SLFN14: variants seen among roughly 807,000 people sequenced by gnomAD.
SLFN14 encodes the protein schlafen family member 14, also known as protein SLFN14.
In SLFN14, 47 loss-of-function variants were observed where a neutral mutation model predicts 58.6. That is an observed-to-expected ratio of 0.80 (90% CI 0.64 to 1.02). The LOEUF is 1.02. Among genes scored for constraint, SLFN14 ranks in the 50% least tolerant of loss-of-function variants. The pLI is 0.00. For missense variants in SLFN14, 967 were observed against 1,078.4 expected, an observed-to-expected ratio of 0.90 and a Z score of 1.45; for synonymous variants, 390 against 387.3, an observed-to-expected ratio of 1.01 and a Z score of -0.08.
In SLFN14 at chr17:35,547,595, A is replaced by C. The variant is rs1334383776; in HGVS notation, c.*644T>G. On this transcript the variant is annotated 3_prime_UTR_variant, in exon 6 of 6. Transcript: ENST00000674182. Reference sequence around the variant, plus strand: ...GCATTGGTCCTTTGTGAGCTTGATTAGCATAAAGCATCCCCAAGAGACTGA... The same window carrying C: ...GCATTGGTCCTTTGTGAGCTTGATTCGCATAAAGCATCCCCAAGAGACTGA... Among the ~76,000 whole-genome samples, 1 of 152,242 alleles carries C rather than the reference A, an allele frequency of 6.6e-6. No individual in the cohort carries two copies. The highest frequency in any genetic ancestry group is 1.5e-5 in the Non-Finnish European group (1 of 68,040).
rs1020364998 is a variant in SLFN14, at chr17:35,548,712, T to C, written c.2266A>G (p.Asn756Asp). The C allele has an allele frequency of 9.7e-6, 15 of 1,551,644 alleles. No individual in the cohort carries two copies. The highest frequency in any genetic ancestry group is 1.7e-4 in the Middle Eastern group (1 of 6,014). The change falls in exon 6 of 6, where the codon AAC becomes GAC. Residue 756 changes from asparagine (N) to aspartate (D), a missense_variant. Physicochemically the swap from Asn to Asp is conservative, Grantham distance 23. Coordinates refer to ENST00000674182, the MANE Select transcript of SLFN14 (RefSeq NM_001129820.2). The part of the protein sequence containing the change: ...MKRIKENPPS[N>D]MSPDTLALFS... ...AATGCTAATGTGTCTGGAGACATGT[T>C]GGAGGGAGGATTTTCTTTGATCCTC...
chr17:35,558,025 G>A lies in SLFN14; in HGVS notation c.38C>T (p.Pro13Leu). 1 of 1,551,344 alleles carries A rather than the reference G, an allele frequency of 6.4e-7. No individual in the cohort carries two copies. The highest frequency in any genetic ancestry group is 1.2e-5 in the South Asian group (1 of 84,052). Residue 13 changes from proline to leucine, a missense_variant, in exon 3 of 6, where the codon CCT (proline) becomes CTT (leucine). Coordinates refer to ENST00000674182, the MANE Select transcript of SLFN14 (RefSeq NM_001129820.2). ...SLKTDTEMPY[P>L]EVIVDVGRVI... ...TCTGCCCACATCTACTATTACCTCA[G>A]GATACGGCATTTCAGTATCAGTCTT... is the stretch of plus-strand genomic sequence containing the variant.
chr17:35,556,450 C>G (rs891347841), intron 3 of SLFN14, among the ~76,000 whole-genome samples: 6 of 152,134 alleles, frequency 3.9e-5, no homozygotes, highest in Admixed American at 2.6e-4. Context: ...GGAGACCTTT[C>G]CTAACTCATT....
Position 35,553,237 on chromosome 17 carries a change from G to A in SLFN14, c.1397C>T (p.Pro466Leu), listed in dbSNP as rs1402118713. 23 of 1,551,596 alleles carry A rather than the reference G, an allele frequency of 1.5e-5. No homozygotes were observed. The South Asian group carries it at 2.6e-4, about 18-fold the overall frequency. Residue 466 changes from proline (P) to leucine (L), a missense_variant, in exon 5 of 6, where the codon CCC becomes CTC. By Grantham distance (98) the Pro-to-Leu change is moderately conservative (BLOSUM62 -3). Coordinates refer to ENST00000674182, the MANE Select transcript of SLFN14 (RefSeq NM_001129820.2). ...TATTAAGATTGTATAGAGTACCACG[G>A]GGCTGTTAACTGCTATCAGGAGAGC... ...CDALLIAVNS[P>L]VVLYTILIDP... is the part of the protein sequence containing the mutation.
rs1390473392 is a variant in SLFN14, at chr17:35,546,424, A to G, written c.*1815T>C. The stretch of plus-strand genomic sequence containing the variant: ...ATGGGCCTAAGCAATTCAGAAAGGC[A>G]GCTAAGAGAGCTTCTCGAAACCCTG... On this transcript the variant is annotated 3_prime_UTR_variant, in exon 6 of 6. Coordinates refer to ENST00000674182, the MANE Select transcript of SLFN14 (RefSeq NM_001129820.2). Among the ~76,000 whole-genome samples the G allele has an allele frequency of 1.3e-5, 2 of 152,226 alleles. No individual in the cohort carries two copies. The highest frequency in any genetic ancestry group is 1.5e-5 in the Non-Finnish European group (1 of 68,038).
At position 35,554,597 on chromosome 17, in the gene SLFN14, G is replaced by T; in HGVS notation, c.1168C>A (p.Leu390Met). The change falls in exon 4 of 6, where the codon CTG becomes ATG. Residue 390 changes from leucine to methionine, a missense_variant. By Grantham distance (15) the Leu-to-Met change is conservative. Transcript: ENST00000674182. ...PIKVHKFKEA[L>M]QRHLFPVTQE... ...ATACCTGGAAACAAATGTCGTTGCAGAGCCTCCTTAAATTTGTGGACTTTT... is the reference window on the plus strand; with the variant it reads ...ATACCTGGAAACAAATGTCGTTGCATAGCCTCCTTAAATTTGTGGACTTTT... 1 of 1,532,624 alleles carries T rather than the reference G, an allele frequency of 6.5e-7. No individual in the cohort carries two copies. Among genetic ancestry groups the T allele is most frequent in the African/African-American group, 1.4e-5 (1 of 71,812 alleles). 94.9% of individuals were successfully genotyped at this position (1,532,624 alleles called of 1,614,324 possible).
intron 4 of SLFN14, among the ~76,000 whole-genome samples, chr17:35,554,341 A>G (rs1393851348): frequency 2.0e-5 from 3 of 147,358 alleles, no homozygotes; most frequent in African/African-American, 4.9e-5. Context: ...ATTATATAAT[A>G]AATTAATAAT....
intron 5 of SLFN14, among the ~76,000 whole-genome samples, chr17:35,550,271 T>C (rs1231434413): frequency 6.6e-6 from 1 of 152,166 alleles, no homozygotes; most frequent in South Asian, 2.1e-4. Context: ...TGAGGCCAGG[T>C]GCAGTGGCTC....
In SLFN14 at chr17:35,557,196, C is replaced by A. The variant is rs767862801; in HGVS notation, c.867G>T (p.Lys289Asn). 1.9e-6 allele frequency: 3 copies of A among 1,551,690 alleles called. No homozygotes were observed. Among genetic ancestry groups the A allele is most frequent in the Non-Finnish European group, 2.6e-6 (3 of 1,146,992 alleles). Residue 289 changes from lysine to asparagine, a missense_variant, in exon 3 of 6, where the codon AAG becomes AAT. Transcript: ENST00000674182. ...PTFHFCCEKP[K>N]VNFTTKILNV... ...TCAGGATTTTTGTAGTGAAATTTAC[C>A]TTTGGCTTCTCACAGCAGAAGTGGA...
intron 5 of SLFN14, among the ~76,000 whole-genome samples, chr17:35,549,451 C>A (rs960503858): frequency 3.3e-5 from 5 of 152,216 alleles, no homozygotes; most frequent in African/African-American, 1.2e-4. Context: ...TTTCTATCCT[C>A]TTTAGAGCTG....
At position 35,557,178 on chromosome 17, in the gene SLFN14, T is replaced by C; in HGVS notation, c.885A>G (p.Lys295=). Reference sequence around the variant, plus strand: ...CATCTTTTTGGTACACATTCAGGATTTTTGTAGTGAAATTTACCTTTGGCT... The same window carrying C: ...CATCTTTTTGGTACACATTCAGGATCTTTGTAGTGAAATTTACCTTTGGCT... ...CEKPKVNFTT[K]ILNVYQKDVL... Residue 295 remains lysine (K), a synonymous_variant, in exon 3 of 6, where the codon AAA becomes AAG. Coordinates refer to ENST00000674182, the MANE Select transcript of SLFN14 (RefSeq NM_001129820.2). The C allele has an allele frequency of 6.4e-7, 1 of 1,551,690 alleles. No individual in the cohort carries two copies. The highest frequency in any genetic ancestry group is 8.7e-7 in the Non-Finnish European group (1 of 1,146,978).
intron 5 of SLFN14, among the ~76,000 whole-genome samples, chr17:35,550,590 A>G (rs1236832135): frequency 6.6e-6 from 1 of 152,212 alleles, no homozygotes; most frequent in Non-Finnish European, 1.5e-5. Context: ...GCATGTCTTT[A>G]TTATTATACA....
chr17:35,555,967 A>G (rs2072648658), intron 3 of SLFN14, among the ~76,000 whole-genome samples: 1 of 152,198 alleles, frequency 6.6e-6, no homozygotes, highest in African/African-American at 2.4e-5. Context: ...AAACAATTCA[A>G]ATTTGTCAAC....
chr17:35,549,248 A>G (rs1274539564), intron 5 of SLFN14, among the ~76,000 whole-genome samples, 175 bp from the exon 6 acceptor site: 2 of 152,258 alleles, frequency 1.3e-5, no homozygotes. Flanking sequence ...GACAGAATGC[A>G]TAATTTTACA....
Position 35,558,006 on chromosome 17 carries a change from C to T in SLFN14, c.57G>A (p.Val19=), listed in dbSNP as rs1006696250. The change falls in exon 3 of 6, where the codon GTG becomes GTA. Residue 19 remains valine (V), a synonymous_variant. Transcript: ENST00000674182. ...TTTCTTCTCCAAAAATCACTCTGCCCACATCTACTATTACCTCAGGATACG... is the reference window on the plus strand; with the variant it reads ...TTTCTTCTCCAAAAATCACTCTGCCTACATCTACTATTACCTCAGGATACG... ...EMPYPEVIVD[V]GRVIFGEENR... is the part of the protein sequence containing the mutation. 1 of 1,551,574 alleles carries T rather than the reference C, an allele frequency of 6.4e-7. No individual in the cohort carries two copies. Among genetic ancestry groups the T allele is most frequent in the Non-Finnish European group, 8.7e-7 (1 of 1,146,994 alleles).
intron 5 of SLFN14, among the ~76,000 whole-genome samples, chr17:35,551,947 C>T (rs555195528): frequency 6.6e-6 from 1 of 152,300 alleles, no homozygotes; most frequent in Non-Finnish European, 1.5e-5. Flanking sequence ...CTCTTTGGAC[C>T]CTGTATCTTT....
chr17:35,558,454 T>C (rs569353500), intron 2 of SLFN14, among the ~76,000 whole-genome samples: 2 of 151,510 alleles, frequency 1.3e-5, no homozygotes, highest in Non-Finnish European at 2.9e-5. Flanking sequence ...TTTTTGTTCT[T>C]GCTATTTTTT....
intron 4 of SLFN14, among the ~76,000 whole-genome samples, chr17:35,554,204 G>GA (rs1243504273): frequency 2.0e-5 from 3 of 151,034 alleles, no homozygotes; most frequent in African/African-American, 7.3e-5. Context: ...CTCAAATTTG[G>GA]AAAACAAAAG....
At chr17:35,554,348 TAATA>T (rs933078825) in intron 4 of SLFN14, among the ~76,000 whole-genome samples, 3 of 147,272 alleles carry the variant, frequency 2.0e-5, no homozygotes, top group Non-Finnish European at 4.5e-5. Context: ...AATAAATTAA[TAATA>T]AATATTAATA....
Sources: allele counts gnomAD v4.1 joint callset (sites outside exome capture counted in the v4.1 genomes callset), GRCh38; gene constraint gnomAD v4.1.1; transcripts MANE v1.5; gene names NCBI Gene and HGNC (gene_info 2026-07-23, HGNC 2026-07-21).